IL1RAPL2: variants seen among roughly 807,000 people sequenced by gnomAD.
IL1RAPL2 encodes interleukin 1 receptor accessory protein like 2.
Under a neutral mutation model 44.1 loss-of-function variants are expected in IL1RAPL2, and 3 were observed. The ratio of observed to expected loss-of-function variants is 0.07; its 90% confidence interval spans 0.03 to 0.18. The LOEUF (loss-of-function observed/expected upper bound fraction) is 0.18. Among genes scored for constraint, IL1RAPL2 ranks in the 10% least tolerant of loss-of-function variants. IL1RAPL2 has a pLI of 1.00. For synonymous variants in IL1RAPL2, 181 were observed against 178.8 expected (o/e 1.01, Z -0.10); for missense variants, 391 against 496.4 (o/e 0.79, Z 2.02).
chrX:105,182,176 A>G (rs1556131327), intron 2 of IL1RAPL2, among the ~76,000 whole-genome samples: 3 of 111,440 alleles, frequency 2.7e-5, no homozygotes, highest in South Asian at 3.8e-4. Flanking sequence ...TTTCAATCCA[A>G]TATTTCTTTG....
At chrX:105,039,050 C>A (rs2031675594) in intron 2 of IL1RAPL2, among the ~76,000 whole-genome samples, 1 of 111,558 alleles carries the variant, frequency 9.0e-6, no homozygotes, top group Non-Finnish European at 1.9e-5. Flanking sequence ...AATGGACTTT[C>A]TCTTGTTTAA....
intron 2 of IL1RAPL2, among the ~76,000 whole-genome samples, chrX:104,853,035 G>A (rs749595204): frequency 9.0e-6 from 1 of 111,671 alleles, no homozygotes; most frequent in South Asian, 3.8e-4. Flanking sequence ...AATCCCCTTT[G>A]GTTTAAAGTC....
At chrX:105,330,210 G>A (rs993781570) in intron 5 of IL1RAPL2, among the ~76,000 whole-genome samples, 1 of 111,485 alleles carries the variant, frequency 9.0e-6, no homozygotes, top group East Asian at 2.8e-4. Flanking sequence ...TCTCCACACA[G>A]AACTTGTTGG....
chrX:105,034,798 G>C lies in IL1RAPL2; in HGVS notation c.83-160677G>C, dbSNP rs772712914. Among the ~76,000 whole-genome samples, 302 of 110,870 alleles carry C rather than the reference G, an allele frequency of 2.7e-3. 2 individuals carry two copies. The highest frequency in any genetic ancestry group is 3.9e-3 in the Non-Finnish European group (209 of 53,207). On this transcript the variant is annotated intron_variant, in intron 2 of 10. Coordinates refer to ENST00000372582, the MANE Select transcript of IL1RAPL2 (RefSeq NM_017416.2). ...GACAGGGACATTTAAGTCTGCAGAG[G>C]TTACTGCTGTCTTTTTGTTTGTCTG...
intron 6 of IL1RAPL2, among the ~76,000 whole-genome samples, chrX:105,613,847 G>T (rs1038221622): frequency 1.8e-5 from 2 of 111,268 alleles, no homozygotes; most frequent in African/African-American, 6.5e-5. Flanking sequence ...GACTTCTGAG[G>T]TTTTTTACTC....
chrX:104,876,326 C>T (rs191716941), intron 2 of IL1RAPL2, among the ~76,000 whole-genome samples: 4 of 111,692 alleles, frequency 3.6e-5, no homozygotes, highest in African/African-American at 1.3e-4. Context: ...AATCTCTCTT[C>T]TTAAATTTAT....
intron 5 of IL1RAPL2, among the ~76,000 whole-genome samples, chrX:105,358,037 T>TAAA (rs774626399): frequency 7.8e-4 from 32 of 40,790 alleles, no homozygotes; most frequent in East Asian, 7.8e-3. Context: ...ATCCTATTTC[T>TAAA]AAAAAAAAAA....
At chrX:104,867,236 C>CA (rs35810207) in intron 2 of IL1RAPL2, among the ~76,000 whole-genome samples, 2,060 of 43,164 alleles carry the variant, frequency 0.048, 47 homozygotes, top group African/African-American at 0.077. Context: ...GTCTCTGTCT[C>CA]AAAAAAAAAA....
chrX:105,046,755 T>C (rs2031842397), intron 2 of IL1RAPL2, among the ~76,000 whole-genome samples: 1 of 110,143 alleles, frequency 9.1e-6, no homozygotes, highest in Non-Finnish European at 1.9e-5. Flanking sequence ...TGCTATTCTA[T>C]TAGACACCAT....
At chrX:105,099,402 C>T (rs1290223715) in intron 2 of IL1RAPL2, among the ~76,000 whole-genome samples, 1 of 102,494 alleles carries the variant, frequency 9.8e-6, no homozygotes, top group Non-Finnish European at 2.0e-5. Context: ...AAAGCGGGAG[C>T]AGGTACATCA....
chrX:105,030,918 C>T (rs1490406107), intron 2 of IL1RAPL2, among the ~76,000 whole-genome samples: 71 of 111,082 alleles, frequency 6.4e-4, no homozygotes, highest in African/African-American at 1.9e-3. Flanking sequence ...TTTTATTTCA[C>T]TGAGCAGTGG....
intron 5 of IL1RAPL2, among the ~76,000 whole-genome samples, chrX:105,447,808 A>G (rs1262098518): frequency 2.2e-5 from 2 of 89,980 alleles, no homozygotes; most frequent in Non-Finnish European, 4.1e-5. Flanking sequence ...TATTATACAT[A>G]TAAATATATA....
intron 5 of IL1RAPL2, among the ~76,000 whole-genome samples, chrX:105,431,348 G>A (rs1250813041): frequency 2.7e-5 from 3 of 111,846 alleles, no homozygotes; most frequent in African/African-American, 9.7e-5. Context: ...TAGACACCCA[G>A]CTTTTCACCT....
intron 2 of IL1RAPL2, among the ~76,000 whole-genome samples, chrX:104,857,523 G>C (rs192726052): frequency 9.0e-6 from 1 of 111,730 alleles, no homozygotes; most frequent in East Asian, 2.8e-4. Flanking sequence ...GGAAAGACTG[G>C]GACCACTTTA....
intron 2 of IL1RAPL2, among the ~76,000 whole-genome samples, chrX:104,820,975 A>G (rs1283288863): frequency 1.8e-5 from 2 of 112,139 alleles, no homozygotes; most frequent in Non-Finnish European, 3.8e-5. Flanking sequence ...AAATAATCAT[A>G]AGTAAAATGT....
At chrX:104,923,688 C>T (rs751288305) in intron 2 of IL1RAPL2, among the ~76,000 whole-genome samples, 7 of 111,225 alleles carry the variant, frequency 6.3e-5, no homozygotes, top group African/African-American at 1.6e-4. Flanking sequence ...TGATACTTAC[C>T]GTCATAAAAG....
intron 3 of IL1RAPL2, among the ~76,000 whole-genome samples, chrX:105,226,318 T>C (rs1556188805): frequency 9.2e-6 from 1 of 108,520 alleles, no homozygotes; most frequent in African/African-American, 3.3e-5. Context: ...TCCATGAAAC[T>C]GGCAGGCTAA....
intron 2 of IL1RAPL2, among the ~76,000 whole-genome samples, chrX:104,887,008 A>G (rs1468962958): frequency 8.9e-6 from 1 of 112,713 alleles, no homozygotes; most frequent in Non-Finnish European, 1.9e-5. Context: ...CTTTTCCTAC[A>G]GCAGGTCAAA....
intron 2 of IL1RAPL2, among the ~76,000 whole-genome samples, chrX:104,718,986 G>T (rs1056113849): frequency 6.3e-5 from 7 of 111,853 alleles, no homozygotes; most frequent in Non-Finnish European, 1.3e-4. Context: ...AAAACACATA[G>T]TGGGTTGTAG....
Sources: allele counts gnomAD v4.1 joint callset (sites outside exome capture counted in the v4.1 genomes callset), GRCh38; gene constraint gnomAD v4.1.1; transcripts MANE v1.5; gene names NCBI Gene and HGNC (gene_info 2026-07-23, HGNC 2026-07-21).